KIF26B: variants seen among roughly 807,000 people sequenced by gnomAD.
KIF26B encodes kinesin family member 26B.
KIF26B carries 63 observed loss-of-function variants against 151.2 expected under a neutral mutation model. The ratio of observed to expected loss-of-function variants is 0.42; its 90% CI spans 0.34 to 0.51. The LOEUF (loss-of-function observed/expected upper bound fraction) is 0.51, where lower values mean the gene tolerates loss of function less well. Among genes scored for constraint, KIF26B ranks in the 20% least tolerant of loss-of-function variants. KIF26B has a pLI of 0.07. For synonymous variants in KIF26B, 1,357 were observed against 1,262.1 expected (o/e 1.08, Z -1.59); for missense variants, 2,813 against 2,913.6 (o/e 0.97, Z 0.79).
In KIF26B at chr1:245,684,274, A is replaced by G. The variant is rs1464869134; in HGVS notation, c.2300A>G (p.Asn767Ser). 6.2e-7 allele frequency: 1 copy of G among 1,613,934 alleles called. No homozygotes were observed. Among genetic ancestry groups the G allele is most frequent in the Admixed American group, 1.7e-5 (1 of 60,020 alleles). The change falls in exon 11 of 15, where the codon AAC (asparagine) becomes AGC (serine). Residue 767 changes from asparagine to serine, a missense_variant. By Grantham distance (46) the Asn-to-Ser change is conservative (BLOSUM62 1). Coordinates refer to ENST00000407071, the MANE Select transcript of KIF26B (RefSeq NM_018012.4). Reference protein sequence around the residue: ...LAMLLRESLGNMNCRTTMIAH... With the variant: ...LAMLLRESLGSMNCRTTMIAH... ...ATGTTGCTGCGGGAGTCTCTGGGGA[A>G]CATGAACTGCCGTACCACCATGATC...
At chr1:245,205,283 A>G (rs575648847) in intron 2 of KIF26B, among the ~76,000 whole-genome samples, 2 of 152,246 alleles carry the variant, frequency 1.3e-5, no homozygotes, top group South Asian at 4.1e-4. Flanking sequence ...TTGTAAATGC[A>G]GTTTATTCTA....
intron 2 of KIF26B, among the ~76,000 whole-genome samples, chr1:245,341,821 G>A (rs760866145): frequency 6.6e-6 from 1 of 152,130 alleles, no homozygotes; most frequent in Non-Finnish European, 1.5e-5. Context: ...TCACCAGTTG[G>A]GGCAGAGCTC....
At chr1:245,273,568 ATTG>A (rs1235725745) in intron 2 of KIF26B, among the ~76,000 whole-genome samples, 1 of 152,014 alleles carries the variant, frequency 6.6e-6, no homozygotes, top group Non-Finnish European at 1.5e-5. Context: ...CATATTTATA[ATTG>A]TTGTATCTTC....
At chr1:245,589,120 G>A (rs1475681256) in intron 5 of KIF26B, among the ~76,000 whole-genome samples, 4 of 152,274 alleles carry the variant, frequency 2.6e-5, no homozygotes, top group East Asian at 1.9e-4. Flanking sequence ...AGATAAGACC[G>A]TTCCAGATTT....
chr1:245,568,486 G>C (rs770027350), intron 5 of KIF26B, among the ~76,000 whole-genome samples: 10 of 152,336 alleles, frequency 6.6e-5, no homozygotes, highest in Non-Finnish European at 1.3e-4. Context: ...CTTCAGCCTG[G>C]GCAACAGAGT....
intron 3 of KIF26B, among the ~76,000 whole-genome samples, chr1:245,380,593 C>T (rs1673383409): frequency 6.6e-6 from 1 of 152,094 alleles, no homozygotes; most frequent in East Asian, 1.9e-4. Context: ...AAACTGAGGC[C>T]CAGGCCTGTC....
At chr1:245,585,602 A>G (rs2043216924) in intron 5 of KIF26B, among the ~76,000 whole-genome samples, 2 of 152,104 alleles carry the variant, frequency 1.3e-5, no homozygotes, top group Admixed American at 6.5e-5. Context: ...TTCCATGGCT[A>G]GAGGAGTGCA....
intron 3 of KIF26B, among the ~76,000 whole-genome samples, chr1:245,397,463 TC>T (rs1203234074): frequency 6.6e-6 from 1 of 152,038 alleles, no homozygotes; most frequent in Non-Finnish European, 1.5e-5. Context: ...TGATCCACCC[TC>T]CTCCGCCTCC....
At chr1:245,405,954 G>C (rs558487514) in intron 3 of KIF26B, among the ~76,000 whole-genome samples, 1 of 152,242 alleles carries the variant, frequency 6.6e-6, no homozygotes, top group South Asian at 2.1e-4. Context: ...TGACAGTTTG[G>C]GAATTTTTTC....
At chr1:245,496,712 T>A (rs1391928186) in intron 4 of KIF26B, among the ~76,000 whole-genome samples, 1 of 152,176 alleles carries the variant, frequency 6.6e-6, no homozygotes, top group Non-Finnish European at 1.5e-5. Flanking sequence ...TTGAGTTACA[T>A]GAAAATTGAC....
At chr1:245,209,600 A>T (rs1196631202) in intron 2 of KIF26B, among the ~76,000 whole-genome samples, 9 of 152,164 alleles carry the variant, frequency 5.9e-5, no homozygotes, top group Non-Finnish European at 1.5e-5. Flanking sequence ...TGAGCCGGGA[A>T]GCCTTCATGG....
At chr1:245,360,182 AG>A (rs2103005655) in intron 2 of KIF26B, among the ~76,000 whole-genome samples, 1 of 152,182 alleles carries the variant, frequency 6.6e-6, no homozygotes, top group Non-Finnish European at 1.5e-5. Flanking sequence ...CTGATTTAAG[AG>A]GGCTTTGACT....
At chr1:245,607,882 C>A in intron 7 of KIF26B, 138 bp downstream of exon 7, 1 of 657,618 alleles carries the variant, frequency 1.5e-6, no homozygotes, top group Non-Finnish European at 2.6e-6. Context: ...TAACCAATAA[C>A]AAGTTATACG....
At chr1:245,511,218 G>A (rs1660829974) in intron 4 of KIF26B, 1 of 682,218 alleles carries the variant, frequency 1.5e-6, no homozygotes, top group African/African-American at 1.8e-5. Context: ...GTTTCCTTTT[G>A]AGAAAAGTAA....
chr1:245,556,210 TC>T (rs1662020804), intron 5 of KIF26B, among the ~76,000 whole-genome samples: 1 of 148,746 alleles, frequency 6.7e-6, no homozygotes, highest in African/African-American at 2.5e-5. Flanking sequence ...AATCTCTTCT[TC>T]TTCCTCCTCC....
chr1:245,575,530 C>A (rs2043110380), intron 5 of KIF26B, among the ~76,000 whole-genome samples: 1 of 151,956 alleles, frequency 6.6e-6, no homozygotes, highest in African/African-American at 2.4e-5. Flanking sequence ...AGGTAGAGGT[C>A]AGATTTCACT....
Position 245,367,416 on chromosome 1 carries a change from G to C in KIF26B, c.999+49G>C. 1 of 1,496,956 alleles carries C rather than the reference G, an allele frequency of 6.7e-7. No homozygotes were observed. Among genetic ancestry groups the C allele is most frequent in the Non-Finnish European group, 9.0e-7 (1 of 1,110,636 alleles). 92.7% of individuals were successfully genotyped at this position (1,496,956 alleles called of 1,614,324 possible). A position where few individuals can be genotyped will look rare whatever the true frequency, so the allele number is the denominator to read the frequency against. ...AAGAGCAGGGCTGGCTGGAGTCAAA[G>C]CGGAGAAGTAGGCAGCACTTCCTTC... On this transcript the variant is annotated intron_variant, in intron 3 of 14. Coordinates refer to ENST00000407071, the MANE Select transcript of KIF26B (RefSeq NM_018012.4). This position sits in a 1 kb window ranked among gnomAD's most constrained non-coding sequence, Gnocchi z 4.2.
intron 10 of KIF26B, among the ~76,000 whole-genome samples, chr1:245,647,200 T>G (rs577366686): frequency 6.6e-6 from 1 of 151,400 alleles, no homozygotes; most frequent in Admixed American, 6.6e-5. Context: ...CCGAGGCGGG[T>G]GGATCACAAG....
chr1:245,234,807 C>A (rs1049158760), intron 2 of KIF26B, among the ~76,000 whole-genome samples: 3 of 152,212 alleles, frequency 2.0e-5, no homozygotes, highest in Non-Finnish European at 4.4e-5. Flanking sequence ...CCTCGCAACA[C>A]CGGCCTGCTA....
Sources: allele counts gnomAD v4.1 joint callset (sites outside exome capture counted in the v4.1 genomes callset), GRCh38; gene constraint gnomAD v4.1.1; non-coding constraint Gnocchi (gnomAD v3.1); transcripts MANE v1.5; gene names NCBI Gene and HGNC (gene_info 2026-07-23, HGNC 2026-07-21).